The following ALK variants were observed in gnomAD, a reference collection of about 807,000 sequenced individuals.
ALK encodes ALK receptor tyrosine kinase.
ALK carries 74 observed loss-of-function variants against 163.1 expected under a neutral mutation model. The ratio of observed to expected loss-of-function variants is 0.45; its 90% CI spans 0.38 to 0.55. ALK has a LOEUF of 0.55. Ranked by LOEUF, ALK falls within the 20% of genes least tolerant of loss-of-function variation. The pLI is 0.00. For missense variants in ALK, 2,063 were observed against 2,105.3 expected (o/e 0.98, Z 0.39); for synonymous variants, 960 against 843.2 (o/e 1.14, Z -2.40).
intron 11 of ALK, among the ~76,000 whole-genome samples, chr2:29,262,979 G>T (rs375104032): frequency 6.6e-6 from 1 of 152,248 alleles, no homozygotes; most frequent in East Asian, 1.9e-4. Flanking sequence ...GTTAAGGGAG[G>T]CCTCAGGGCT....
rs565641333 is a variant in ALK, at chr2:29,215,457, C to T, written c.3646-1376G>A. Among the ~76,000 whole-genome samples the T allele has an allele frequency of 2.8e-4, 42 of 152,256 alleles. No homozygotes were observed. In the Middle Eastern group the frequency reaches 0.014, roughly 49 times the overall value. On this transcript the variant is annotated intron_variant, in intron 23 of 28. Coordinates refer to ENST00000389048, the MANE Select transcript of ALK (RefSeq NM_004304.5). ...TTCCCCTACCGGTGCCTTACATGCC[C>T]CAGAGCACATACATGATCTGCTGTG...
At chr2:29,328,570 C>G (rs954922393) in intron 5 of ALK, 89 bp from the exon 6 acceptor site, 2 of 1,544,650 alleles carry the variant, frequency 1.3e-6, no homozygotes, top group Middle Eastern at 1.7e-4. Context: ...GGGCAGGCTG[C>G]AGGGACAGCA....
At chr2:29,514,132 C>A (rs1340945674) in intron 4 of ALK, among the ~76,000 whole-genome samples, 1 of 133,860 alleles carries the variant, frequency 7.5e-6, no homozygotes, top group East Asian at 2.2e-4. Context: ...CCATTTGACC[C>A]AGCCATCCCA....
At chr2:29,598,768 A>C (rs1336349346) in intron 3 of ALK, among the ~76,000 whole-genome samples, 1 of 152,150 alleles carries the variant, frequency 6.6e-6, no homozygotes, top group Non-Finnish European at 1.5e-5. Flanking sequence ...AGCATGAGAA[A>C]TTTTTATTTT....
In ALK at chr2:29,375,626, T is replaced by C. The variant is rs532257324; in HGVS notation, c.1282+8106A>G. Among the ~76,000 whole-genome samples, 10 of 152,234 alleles carry C rather than the reference T, an allele frequency of 6.6e-5. No homozygotes were observed. In the South Asian group the frequency reaches 1.7e-3, roughly 25 times the overall value. ...GCCACTGCGCCTGGCCTATCTCTAT[T>C]TTAAATGACAAAAAAACCCCACAAA... On this transcript the variant is annotated intron_variant, in intron 5 of 28. Coordinates refer to ENST00000389048, the MANE Select transcript of ALK (RefSeq NM_004304.5).
chr2:29,243,686 C>G (rs1664581471), intron 12 of ALK, among the ~76,000 whole-genome samples: 1 of 152,206 alleles, frequency 6.6e-6, no homozygotes, highest in Non-Finnish European at 1.5e-5. Context: ...ACCCCTGCAC[C>G]CTGTGAATCA....
intron 4 of ALK, among the ~76,000 whole-genome samples, chr2:29,470,394 T>C (rs1450050899): frequency 1.3e-5 from 2 of 152,256 alleles, no homozygotes; most frequent in Admixed American, 6.5e-5. Context: ...GAGTCCCACA[T>C]AGAATAAATG....
intron 1 of ALK, among the ~76,000 whole-genome samples, chr2:29,809,909 C>T (rs1664710323): frequency 6.6e-6 from 1 of 152,174 alleles, no homozygotes; most frequent in Admixed American, 6.5e-5. Context: ...TCTGTATTTG[C>T]CTATGGCTTT....
chr2:29,913,308 A>G (rs1310726475), intron 1 of ALK, among the ~76,000 whole-genome samples: 1 of 152,246 alleles, frequency 6.6e-6, no homozygotes, highest in Non-Finnish European at 1.5e-5. Context: ...CACAAAATTT[A>G]CTGAAGAAAA....
intron 2 of ALK, among the ~76,000 whole-genome samples, chr2:29,696,454 A>G (rs935650840): frequency 2.1e-4 from 32 of 151,134 alleles, no homozygotes; most frequent in African/African-American, 7.5e-4. Flanking sequence ...TGATGGGTGC[A>G]GCAAACCACC....
chr2:29,292,987 C>A (rs1006022456), intron 9 of ALK, among the ~76,000 whole-genome samples: 5 of 152,192 alleles, frequency 3.3e-5, no homozygotes, highest in African/African-American at 9.7e-5. Flanking sequence ...AGGACCAGGG[C>A]ACCCAATTAG....
At chr2:29,396,078 C>G (rs1669295708) in intron 4 of ALK, among the ~76,000 whole-genome samples, 1 of 152,164 alleles carries the variant, frequency 6.6e-6, no homozygotes, top group Admixed American at 6.5e-5. Context: ...AGGGATCACA[C>G]CTTTCCACCT....
intron 1 of ALK, among the ~76,000 whole-genome samples, chr2:29,781,898 A>C (rs1681340180): frequency 6.6e-6 from 1 of 152,216 alleles, no homozygotes; most frequent in Non-Finnish European, 1.5e-5. Context: ...CTCTAGACAG[A>C]AAGAACTGGG....
intron 18 of ALK, 122 bp downstream of exon 18, chr2:29,226,800 G>C: frequency 1.6e-6 from 2 of 1,241,054 alleles, no homozygotes; most frequent in Non-Finnish European, 2.3e-6. Context: ...TGGCAGGTAG[G>C]GGAGGGACAG....
At chr2:29,700,981 C>A (rs1248362041) in intron 2 of ALK, among the ~76,000 whole-genome samples, 1 of 152,220 alleles carries the variant, frequency 6.6e-6, no homozygotes, top group Non-Finnish European at 1.5e-5. Flanking sequence ...GGAAGCCCAG[C>A]ATTGGTTACT....
chr2:29,436,359 G>A (rs569201154), intron 4 of ALK, among the ~76,000 whole-genome samples: 25 of 152,248 alleles, frequency 1.6e-4, no homozygotes, highest in African/African-American at 4.3e-4. Flanking sequence ...CCTTGAGAGC[G>A]GGAACCCCCT....
At chr2:29,537,620 CAG>C (rs1673296010) in intron 3 of ALK, among the ~76,000 whole-genome samples, 1 of 152,244 alleles carries the variant, frequency 6.6e-6, no homozygotes, top group African/African-American at 2.4e-5. Context: ...AGCCTCTACA[CAG>C]AGTCCCCACT....
At chr2:29,805,595 T>C (rs906450080) in intron 1 of ALK, among the ~76,000 whole-genome samples, 1 of 152,200 alleles carries the variant, frequency 6.6e-6, no homozygotes, top group African/African-American at 2.4e-5. Flanking sequence ...CATGTGGTAT[T>C]TGGTTTCCTG....
intron 3 of ALK, among the ~76,000 whole-genome samples, chr2:29,568,403 T>C (rs1481972958): frequency 1.3e-5 from 2 of 152,210 alleles, no homozygotes; most frequent in Non-Finnish European, 2.9e-5. Flanking sequence ...CTACAACAAG[T>C]GTCACTGCCG....
Sources: gnomAD v4.1 joint callset for allele counts (sites outside exome capture counted in the v4.1 genomes callset) on GRCh38, gnomAD v4.1.1 for gene constraint, MANE v1.5 for transcripts, NCBI Gene and HGNC (gene_info 2026-07-23, HGNC 2026-07-21) for gene names.